The following RELN variants were observed in gnomAD, a reference collection of about 807,000 sequenced individuals.
The protein encoded by RELN is reelin.
In RELN, 108 loss-of-function variants were observed where a neutral mutation model predicts 427.6. That is an observed-to-expected ratio of 0.25 (90% CI 0.22 to 0.30). The LOEUF is 0.30. Ranked by LOEUF, RELN falls within the 10% of genes least tolerant of loss-of-function variation. The pLI is 1.00. For missense variants in RELN, 3,715 were observed against 4,302.8 expected (o/e 0.86, Z 3.82); for synonymous variants, 1,524 against 1,513.4 (o/e 1.01, Z -0.16).
chr7:103,741,995 G>T (rs999843565), intron 6 of RELN, among the ~76,000 whole-genome samples: 7 of 152,118 alleles, frequency 4.6e-5, no homozygotes, highest in Non-Finnish European at 1.0e-4. Flanking sequence ...CCACCGAGGA[G>T]CCTAACTGGG....
intron 28 of RELN, among the ~76,000 whole-genome samples, chr7:103,581,048 T>C (rs1472206785): frequency 1.3e-5 from 2 of 152,122 alleles, no homozygotes; most frequent in African/African-American, 4.8e-5. Flanking sequence ...GACATTGCTA[T>C]ATAGCTGCAA....
At chr7:103,709,025 G>A (rs1789721282) in intron 8 of RELN, among the ~76,000 whole-genome samples, 1 of 152,154 alleles carries the variant, frequency 6.6e-6, no homozygotes, top group Non-Finnish European at 1.5e-5. Context: ...GCTTCACACA[G>A]AAGAGGAGCT....
chr7:103,883,108 C>T (rs1291916970), intron 2 of RELN, among the ~76,000 whole-genome samples: 3 of 152,138 alleles, frequency 2.0e-5, no homozygotes, highest in Non-Finnish European at 4.4e-5. Context: ...TGATTTCATC[C>T]ATGGGACGCA....
chr7:103,781,529 G>A (rs1791890165), intron 3 of RELN, among the ~76,000 whole-genome samples: 1 of 152,024 alleles, frequency 6.6e-6, no homozygotes, highest in South Asian at 2.1e-4. Flanking sequence ...TTTTTGTGGT[G>A]AGATCCACAT....
At chr7:103,499,093 G>T (rs79540457) in intron 53 of RELN, among the ~76,000 whole-genome samples, 1 of 152,118 alleles carries the variant, frequency 6.6e-6, no homozygotes, top group East Asian at 1.9e-4. Context: ...ACATGGTTAG[G>T]CAGGGACACT....
chr7:103,594,393 T>G lies in RELN; in HGVS notation c.3639A>C (p.Ala1213=). Residue 1213 remains alanine (A), a synonymous_variant, in exon 26 of 65, where the codon GCA becomes GCC. Transcript: ENST00000428762. ...VFSGEDYDQW[A]VDDIIILSEK... is the part of the protein sequence containing the mutation. ...CGGACAGAATGATGATGTCATCGACTGCCCACTGGTCATAGTCCTCCCCTG... is the reference window on the plus strand; with the variant it reads ...CGGACAGAATGATGATGTCATCGACGGCCCACTGGTCATAGTCCTCCCCTG... 1 of 1,614,092 alleles carries G rather than the reference T, an allele frequency of 6.2e-7. No homozygotes were observed. Among genetic ancestry groups the G allele is most frequent in the African/African-American group, 1.3e-5 (1 of 75,054 alleles).
At chr7:103,847,403 C>G (rs943628667) in intron 2 of RELN, among the ~76,000 whole-genome samples, 1 of 152,080 alleles carries the variant, frequency 6.6e-6, no homozygotes, top group Admixed American at 6.5e-5. Flanking sequence ...ACATCACACA[C>G]CAGGGCCTGC....
intron 27 of RELN, among the ~76,000 whole-genome samples, chr7:103,591,703 C>T (rs1214658959): frequency 1.3e-5 from 2 of 152,074 alleles, no homozygotes; most frequent in African/African-American, 4.8e-5. Flanking sequence ...CTTAAATTTG[C>T]CATGATTGCT....
chr7:103,473,512 C>T (rs17149266), intron 64 of RELN, among the ~76,000 whole-genome samples: 10,134 of 152,092 alleles, frequency 0.067, 423 homozygotes, highest in African/African-American at 0.098. Flanking sequence ...ATTTTATAAA[C>T]GTGGCCTTAG....
intron 6 of RELN, among the ~76,000 whole-genome samples, chr7:103,736,170 C>A (rs1351079083): frequency 6.6e-6 from 1 of 152,094 alleles, no homozygotes; most frequent in Non-Finnish European, 1.5e-5. Context: ...TGACTTATTC[C>A]GAGACACTAG....
At chr7:103,927,428 G>T (rs376367151) in intron 1 of RELN, among the ~76,000 whole-genome samples, 2 of 152,108 alleles carry the variant, frequency 1.3e-5, no homozygotes, top group Admixed American at 6.5e-5. Context: ...AATAAATGAC[G>T]TTCAGGTACT....
chr7:103,924,466 C>T lies in RELN; in HGVS notation c.227-7281G>A, dbSNP rs376495874. 5.9e-4 allele frequency among the ~76,000 whole-genome samples: 90 copies of T among 152,190 alleles called. 1 individual carries two copies. Among genetic ancestry groups the T allele is most frequent in the African/African-American group, 2.0e-3 (84 of 41,512 alleles). ...ACCTCTGAAAGCAAGCGGAGAATGC[C>T]GTGCAAATGCTTTGCAGCTTTGTCT... is the stretch of plus-strand genomic sequence containing the variant. On this transcript the variant is annotated intron_variant, in intron 1 of 64. Coordinates refer to ENST00000428762, the MANE Select transcript of RELN (RefSeq NM_005045.4).
chr7:103,480,026 C>A (rs1156251238), intron 63 of RELN, among the ~76,000 whole-genome samples: 8 of 152,154 alleles, frequency 5.3e-5, no homozygotes, highest in Admixed American at 5.2e-4. Flanking sequence ...CCATTAGTTG[C>A]AAAAACATAT....
intron 11 of RELN, among the ~76,000 whole-genome samples, chr7:103,666,782 G>C (rs946784149): frequency 2.0e-5 from 3 of 151,620 alleles, no homozygotes; most frequent in Non-Finnish European, 4.4e-5. Context: ...TTTCACATTT[G>C]TTTGGAGTTT....
intron 6 of RELN, among the ~76,000 whole-genome samples, chr7:103,744,149 G>A (rs909948561): frequency 5.9e-5 from 9 of 152,138 alleles, no homozygotes; most frequent in African/African-American, 1.9e-4. Context: ...TGAACAACCT[G>A]CTCCTGAATG....
In RELN at chr7:103,773,238, C is replaced by CCTCT. The variant is rs1791636047; in HGVS notation, c.544+3318_544+3319insAGAG. Reference sequence around the variant, plus strand: ...CTCTCCCTCCCTCCCTCGCTCCCTCCCTGTCTCTCTCTCCCTCCCTCCCTC... The same window carrying CCTCT: ...CTCTCCCTCCCTCCCTCGCTCCCTCCCTCTCTGTCTCTCTCTCCCTCCCTCCCTC... On this transcript the variant is annotated intron_variant, in intron 4 of 64. Coordinates refer to ENST00000428762, the MANE Select transcript of RELN (RefSeq NM_005045.4). Among the ~76,000 whole-genome samples, 4 of 56,824 alleles carry CCTCT rather than the reference C, an allele frequency of 7.0e-5. 1 individual carries two copies. The highest frequency in any genetic ancestry group is 1.2e-4 in the Non-Finnish European group (4 of 33,334). The allele number at this position is 56,824 out of a possible 152,430, so 37.3% of individuals were successfully genotyped here. A position where few individuals can be genotyped will look rare whatever the true frequency, so the allele number is the denominator to read the frequency against.
rs144197296 is a variant in RELN, at chr7:103,929,204, G to A, written c.227-12019C>T. Among the ~76,000 whole-genome samples, 318 of 152,270 alleles carry A rather than the reference G, an allele frequency of 2.1e-3. 3 individuals carry two copies. Among genetic ancestry groups the A allele is most frequent in the African/African-American group, 7.4e-3 (306 of 41,564 alleles). ...CAGTACTTATCTGATCCATGAAACTGAGAAATAGTGGTCAGTGATCATGTG... is the reference window on the plus strand; with the variant it reads ...CAGTACTTATCTGATCCATGAAACTAAGAAATAGTGGTCAGTGATCATGTG... On this transcript the variant is annotated intron_variant, in intron 1 of 64. Coordinates refer to ENST00000428762, the MANE Select transcript of RELN (RefSeq NM_005045.4).
At chr7:103,694,661 A>G (rs1382248009) in intron 10 of RELN, among the ~76,000 whole-genome samples, 1 of 152,014 alleles carries the variant, frequency 6.6e-6, no homozygotes, top group Admixed American at 6.6e-5. Context: ...ATAATTAAGC[A>G]TTGCTGTTAG....
At position 103,523,658 on chromosome 7, in the gene RELN, G is replaced by A. The variant is rs1203269678; in HGVS notation, c.7350-127C>T. The A allele has an allele frequency of 4.4e-6, 4 of 903,818 alleles. No individual in the cohort carries two copies. In the East Asian group the frequency reaches 1.0e-4, roughly 22 times the overall value. The allele number at this position is 903,818 out of a possible 1,614,324, so 56.0% of individuals were successfully genotyped here. Reference sequence around the variant, plus strand: ...TACATTCCTACTTCTTTTCTGAAAAGAACATTCATTATTACAATATTCTTC... The same window carrying A: ...TACATTCCTACTTCTTTTCTGAAAAAAACATTCATTATTACAATATTCTTC... On this transcript the variant is annotated intron_variant, in intron 46 of 64. Transcript: ENST00000428762.
Sources: allele counts gnomAD v4.1 joint callset (sites outside exome capture counted in the v4.1 genomes callset), GRCh38; gene constraint gnomAD v4.1.1; transcripts MANE v1.5; gene names NCBI Gene and HGNC (gene_info 2026-07-23, HGNC 2026-07-21).